Variants in DIS3L2 observed in about 807,000 individuals in gnomAD.
DIS3L2 encodes the protein DIS3-like exonuclease 2.
Under a neutral mutation model 97.5 loss-of-function variants are expected in DIS3L2, and 34 were observed. That is an observed-to-expected ratio of 0.35 (90% confidence interval 0.27 to 0.46). DIS3L2 has a LOEUF of 0.46. Ranked by LOEUF, DIS3L2 falls within the 20% of genes least tolerant of loss-of-function variation. The pLI is 1.00. For synonymous variants in DIS3L2, 435 were observed against 445.2 expected (o/e 0.98, Z 0.29); for missense variants, 1,038 against 1,146.0 (o/e 0.91, Z 1.36).
At chr2:232,158,775 G>T (rs1029804292) in intron 8 of DIS3L2, among the ~76,000 whole-genome samples, 1 of 151,976 alleles carries the variant, frequency 6.6e-6, no homozygotes, top group Non-Finnish European at 1.5e-5. Context: ...AGAACCTCAG[G>T]GACCTGTGAG....
chr2:231,984,553 A>AT (rs780406388), intron 1 of DIS3L2, among the ~76,000 whole-genome samples: 2,066 of 140,116 alleles, frequency 0.015, 20 homozygotes, highest in Non-Finnish European at 0.02. Context: ...CGCCCGGCTA[A>AT]TTTTTTTTTT....
At chr2:231,968,097 A>AT (rs34272468) in intron 1 of DIS3L2, among the ~76,000 whole-genome samples, 13,007 of 134,640 alleles carry the variant, frequency 0.097, 739 homozygotes, top group Middle Eastern at 0.2. Flanking sequence ...CAGATAACTG[A>AT]TTTTTTTTTT....
chr2:232,334,093 G>A (rs1476875345), intron 17 of DIS3L2, 106 bp downstream of exon 17: 3 of 1,478,052 alleles, frequency 2.0e-6, no homozygotes, highest in African/African-American at 2.8e-5. Context: ...GACAGCGGAG[G>A]TCCAAGGGTC....
chr2:232,019,356 A>AG (rs896257624), intron 3 of DIS3L2, among the ~76,000 whole-genome samples: 9 of 152,128 alleles, frequency 5.9e-5, no homozygotes, highest in African/African-American at 2.2e-4. Context: ...GTTTAAGACC[A>AG]GCCTGGGCAA....
At chr2:232,132,366 A>G (rs1477281539) in intron 7 of DIS3L2, among the ~76,000 whole-genome samples, 1 of 152,226 alleles carries the variant, frequency 6.6e-6, no homozygotes. Flanking sequence ...AACAAGAAAC[A>G]GGAATTTCCA....
intron 6 of DIS3L2, among the ~76,000 whole-genome samples, chr2:232,117,498 A>G (rs1697762565): frequency 6.6e-6 from 1 of 152,204 alleles, no homozygotes; most frequent in Admixed American, 6.5e-5. Flanking sequence ...GAATTTTCCA[A>G]ACCATTTTTT....
intron 10 of DIS3L2, among the ~76,000 whole-genome samples, chr2:232,233,292 T>G (rs948438802): frequency 6.6e-6 from 1 of 152,202 alleles, no homozygotes; most frequent in Non-Finnish European, 1.5e-5. Flanking sequence ...GCAGATCCAG[T>G]GTCTAGTGAC....
At chr2:232,139,439 C>G (rs1311691073) in intron 8 of DIS3L2, among the ~76,000 whole-genome samples, 1 of 152,170 alleles carries the variant, frequency 6.6e-6, no homozygotes, top group African/African-American at 2.4e-5. Context: ...GGTGGAAAAT[C>G]TTACTGGTCT....
At chr2:231,971,244 C>T (rs183744680) in intron 1 of DIS3L2, among the ~76,000 whole-genome samples, 10 of 148,838 alleles carry the variant, frequency 6.7e-5, no homozygotes, top group East Asian at 1.9e-4. Flanking sequence ...TGTGTGTTGT[C>T]GGGGTTTGGT....
At chr2:232,074,271 ATGGAGGACAT>A (rs1225972120) in intron 5 of DIS3L2, among the ~76,000 whole-genome samples, 1 of 152,168 alleles carries the variant, frequency 6.6e-6, no homozygotes, top group Non-Finnish European at 1.5e-5. Context: ...CATTGTGTTA[ATGGAGGACAT>A]TGCTGTATCA....
At chr2:232,058,787 T>C (rs1695618852) in intron 5 of DIS3L2, among the ~76,000 whole-genome samples, 1 of 152,180 alleles carries the variant, frequency 6.6e-6, no homozygotes, top group Non-Finnish European at 1.5e-5. Flanking sequence ...TCATTGATCG[T>C]GAAGAATCCT....
chr2:232,167,239 C>T (rs963982200), intron 9 of DIS3L2, among the ~76,000 whole-genome samples: 7 of 152,030 alleles, frequency 4.6e-5, no homozygotes, highest in African/African-American at 1.7e-4. Context: ...TATTTTAAAA[C>T]TATACATGAA....
chr2:232,060,987 G>GATTTTTA (rs377620547), intron 5 of DIS3L2, among the ~76,000 whole-genome samples: 2,210 of 152,248 alleles, frequency 0.015, 24 homozygotes, highest in Non-Finnish European at 0.021. Flanking sequence ...AAATGCTGCT[G>GATTTTTA]TATGTTGATT....
chr2:232,270,805 C>T (rs978154438), intron 13 of DIS3L2, among the ~76,000 whole-genome samples: 1 of 152,078 alleles, frequency 6.6e-6, no homozygotes, highest in Non-Finnish European at 1.5e-5. Flanking sequence ...AAACATCTGT[C>T]AGGAGTTCTC....
chr2:232,188,757 A>G (rs1691519663), intron 9 of DIS3L2, among the ~76,000 whole-genome samples: 1 of 152,212 alleles, frequency 6.6e-6, no homozygotes. Context: ...CTTTCTGTCT[A>G]TGAAAGATGC....
At chr2:232,060,245 C>A (rs1028985811) in intron 5 of DIS3L2, among the ~76,000 whole-genome samples, 5 of 151,930 alleles carry the variant, frequency 3.3e-5, no homozygotes, top group Admixed American at 3.3e-4. Context: ...TTGATGTGAT[C>A]CCATTTGTCC....
chr2:231,986,375 T>C (rs577576261), intron 1 of DIS3L2, among the ~76,000 whole-genome samples: 1 of 152,340 alleles, frequency 6.6e-6, no homozygotes, highest in Admixed American at 6.5e-5. Flanking sequence ...AGTTATCAAC[T>C]TAATTTAACA....
At chr2:232,003,601 G>T (rs1306307608) in intron 1 of DIS3L2, among the ~76,000 whole-genome samples, 1 of 152,156 alleles carries the variant, frequency 6.6e-6, no homozygotes, top group Non-Finnish European at 1.5e-5. Context: ...TTAGCCTGAA[G>T]AACTCAGTAT....
intron 5 of DIS3L2, among the ~76,000 whole-genome samples, chr2:232,083,068 A>ACCC (rs58976527): frequency 1.3e-4 from 19 of 151,022 alleles, no homozygotes; most frequent in African/African-American, 4.4e-4. Flanking sequence ...GGAAAGACCC[A>ACCC]CCCCCCCATG....
Sources: gnomAD v4.1 joint callset for allele counts (sites outside exome capture counted in the v4.1 genomes callset) on GRCh38, gnomAD v4.1.1 for gene constraint, MANE v1.5 for transcripts, NCBI Gene and HGNC (gene_info 2026-07-23, HGNC 2026-07-21) for gene names.